Variants in ADGRV1 observed in about 807,000 individuals in gnomAD.
ADGRV1 encodes the protein G-protein coupled receptor 98.
Under a neutral mutation model 596.2 loss-of-function variants are expected in ADGRV1, and 359 were observed. The ratio of observed to expected loss-of-function variants is 0.60; its 90% CI spans 0.55 to 0.66. ADGRV1 has a LOEUF of 0.66. ADGRV1 is among the 30% of genes least tolerant of loss of function. The pLI, the probability that ADGRV1 is intolerant of heterozygous loss-of-function variation, is 0.00. For missense variants in ADGRV1, 7,274 were observed against 7,575.6 expected, an observed-to-expected ratio of 0.96 and a Z score of 1.48; for synonymous variants, 2,681 against 2,679.2, an observed-to-expected ratio of 1.00 and a Z score of -0.02.
chr5:90,630,816 A>G (rs1765401443), intron 9 of ADGRV1, among the ~76,000 whole-genome samples: 1 of 152,030 alleles, frequency 6.6e-6, no homozygotes, highest in Non-Finnish European at 1.5e-5. Flanking sequence ...TATCTTCACT[A>G]TATTATTGAG....
intron 4 of ADGRV1, among the ~76,000 whole-genome samples, chr5:90,619,500 A>C (rs1449468942): frequency 6.6e-6 from 1 of 152,088 alleles, no homozygotes; most frequent in Admixed American, 6.6e-5. Context: ...GATTTCCCCA[A>C]ATGTCACCTA....
At chr5:90,578,516 G>A (rs1757534260) in intron 1 of ADGRV1, among the ~76,000 whole-genome samples, 1 of 148,740 alleles carries the variant, frequency 6.7e-6, no homozygotes, top group Admixed American at 6.6e-5. Flanking sequence ...CCGTTTGCCA[G>A]TATTTTACTG....
chr5:90,753,813 A>G lies in ADGRV1; in HGVS notation c.11361A>G (p.Arg3787=). The part of the protein sequence containing the change: ...VGWRAASVFI[R]VAEPKENTTT... ...GGCGTGCTGCGTCTGTCTTCATTAG[A>G]GTAGCAGAGCCTAAAGGTAAATATT... The change falls in exon 54 of 90, where the codon AGA becomes AGG. Residue 3787 remains arginine (R), a synonymous_variant. Transcript: ENST00000405460. 1 of 1,608,010 alleles carries G rather than the reference A, an allele frequency of 6.2e-7. No individual in the cohort carries two copies. The highest frequency in any genetic ancestry group is 8.5e-7 in the Non-Finnish European group (1 of 1,176,530).
At chr5:90,669,937 TCTC>T (rs1167595616) in intron 21 of ADGRV1, among the ~76,000 whole-genome samples, 2 of 149,574 alleles carry the variant, frequency 1.3e-5, no homozygotes, top group Admixed American at 1.3e-4. Context: ...TTGGTCCTCT[TCTC>T]CTCTCCATCT....
rs775909245 is a variant in ADGRV1 at position 90,643,974 on chromosome 5, A to G, written c.2725A>G (p.Ile909Val). ...GATAAATGAAAGCAAAGGAGATGCT[A>G]TCTATAGTGGTAATTTATTCTGTGT... Reference protein sequence around the residue: ...VMINESKGDAIYSAVYDVVRN... With the variant: ...VMINESKGDAVYSAVYDVVRN... Residue 909 changes from isoleucine to valine, a missense_variant, in exon 14 of 90, where the codon ATC becomes GTC. Physicochemically the swap from Ile to Val is conservative, Grantham distance 29. Transcript: ENST00000405460. 4 of 1,591,286 alleles carry G rather than the reference A, an allele frequency of 2.5e-6. No individual in the cohort carries two copies. The African/African-American group carries it at 4.0e-5, about 16-fold the overall frequency.
At chr5:91,148,983 C>T (rs1254508519) in intron 87 of ADGRV1, among the ~76,000 whole-genome samples, 1 of 152,206 alleles carries the variant, frequency 6.6e-6, no homozygotes, top group African/African-American at 2.4e-5. Context: ...TCTGTTTTGA[C>T]CAATTACTCA....
At chr5:91,100,565 G>GT (rs1201135892) in intron 86 of ADGRV1, among the ~76,000 whole-genome samples, 1 of 152,134 alleles carries the variant, frequency 6.6e-6, no homozygotes, top group African/African-American at 2.4e-5. Context: ...TGCTAAATAA[G>GT]CAGGAATATA....
rs150711342 is a variant in ADGRV1, at chr5:90,976,216, G to GTA, written c.17974-9111_17974-9110dup. Among the ~76,000 whole-genome samples the GTA allele has an allele frequency of 4.3e-3, 600 of 139,430 alleles. 5 individuals are homozygous for GTA. Among genetic ancestry groups the GTA allele is most frequent in the East Asian group, 0.041 (202 of 4,876 alleles). The allele number at this position is 139,430 out of a possible 152,430, so 91.5% of individuals were successfully genotyped here. A position where few individuals can be genotyped will look rare whatever the true frequency, so the allele number is the denominator to read the frequency against. On this transcript the variant is annotated intron_variant, in intron 84 of 89. Transcript: ENST00000405460. ...GACATGTGTTCTTGTGTGTGAGTGT[G>GTA]TATATATATATATATATACACAATG...
chr5:90,740,146 A>T (rs1753780050), intron 50 of ADGRV1, among the ~76,000 whole-genome samples: 1 of 152,190 alleles, frequency 6.6e-6, no homozygotes, highest in Non-Finnish European at 1.5e-5. Context: ...GAGTAGGGTC[A>T]GATGCTCTCT....
At chr5:90,999,565 G>A (rs1781697025) in intron 85 of ADGRV1, among the ~76,000 whole-genome samples, 1 of 151,996 alleles carries the variant, frequency 6.6e-6, no homozygotes, top group South Asian at 2.1e-4. Flanking sequence ...ATTGCGGGTG[G>A]CAGAGTTGTA....
intron 39 of ADGRV1, among the ~76,000 whole-genome samples, chr5:90,709,434 T>C (rs1749045140): frequency 1.3e-5 from 2 of 152,206 alleles, no homozygotes; most frequent in Non-Finnish European, 1.5e-5. Context: ...TTTGAAAAGA[T>C]GTATTCCTAT....
At chr5:91,068,006 A>G (rs1788031086) in intron 85 of ADGRV1, among the ~76,000 whole-genome samples, 1 of 152,198 alleles carries the variant, frequency 6.6e-6, no homozygotes, top group Non-Finnish European at 1.5e-5. Flanking sequence ...TGTTCAGGTA[A>G]TGATTCAGGC....
intron 75 of ADGRV1, among the ~76,000 whole-genome samples, chr5:90,818,780 G>A (rs1362742970): frequency 2.0e-5 from 3 of 151,582 alleles, no homozygotes; most frequent in Non-Finnish European, 4.4e-5. Flanking sequence ...TAATCATGGT[G>A]GATAAGCTTT....
intron 52 of ADGRV1, among the ~76,000 whole-genome samples, chr5:90,748,483 T>C (rs1219182958): frequency 6.6e-6 from 1 of 152,308 alleles, no homozygotes; most frequent in East Asian, 1.9e-4. Flanking sequence ...CTTCAAATTT[T>C]AGTGCGCATT....
At chr5:90,837,203 A>C (rs1765042235) in intron 77 of ADGRV1, among the ~76,000 whole-genome samples, 1 of 152,274 alleles carries the variant, frequency 6.6e-6, no homozygotes, top group East Asian at 1.9e-4. Flanking sequence ...GTTATCTTTC[A>C]GTTAAATAGA....
intron 83 of ADGRV1, among the ~76,000 whole-genome samples, chr5:90,939,940 G>GAGTT (rs1007804119): frequency 3.9e-5 from 6 of 152,116 alleles, no homozygotes; most frequent in African/African-American, 1.4e-4. Flanking sequence ...TGCCATTTTA[G>GAGTT]AGTTCTCCAT....
chr5:90,974,044 A>G (rs1206180256), intron 84 of ADGRV1, among the ~76,000 whole-genome samples: 1 of 152,214 alleles, frequency 6.6e-6, no homozygotes, highest in Non-Finnish European at 1.5e-5. Context: ...AAGCATTCTT[A>G]TACACCAATA....
intron 60 of ADGRV1, among the ~76,000 whole-genome samples, chr5:90,776,241 T>C (rs529179324): frequency 2.0e-4 from 30 of 152,254 alleles, no homozygotes; most frequent in Non-Finnish European, 3.4e-4. Context: ...TTCATTAAAA[T>C]GTAATCTTGG....
At chr5:90,862,558 C>T (rs936866252) in intron 82 of ADGRV1, among the ~76,000 whole-genome samples, 9 of 152,152 alleles carry the variant, frequency 5.9e-5, no homozygotes, top group Non-Finnish European at 1.0e-4. Context: ...TCTAGCATGA[C>T]TCTGCAGTTC....
Sources: gnomAD v4.1 joint callset for allele counts (sites outside exome capture counted in the v4.1 genomes callset) on GRCh38, gnomAD v4.1.1 for gene constraint, MANE v1.5 for transcripts, NCBI Gene and HGNC (gene_info 2026-07-23, HGNC 2026-07-21) for gene names.